Variants in SPARCL1 observed in about 807,000 individuals in gnomAD.
SPARCL1 encodes SPARC-like protein 1.
Under a neutral mutation model 67.1 loss-of-function variants are expected in SPARCL1, and 52 were observed. The observed-to-expected ratio is 0.78, with a 90% confidence interval of 0.62 to 0.98. SPARCL1 has a LOEUF of 0.98. Among genes scored for constraint, SPARCL1 ranks in the 50% least tolerant of loss-of-function variants. The pLI is 0.00. For synonymous variants in SPARCL1, 226 were observed against 267.8 expected, an observed-to-expected ratio of 0.84 and a Z score of 1.52; for missense variants, 717 against 782.4, an observed-to-expected ratio of 0.92 and a Z score of 1.00.
chr4:87,496,392 T>G (rs1724620357), intron 2 of SPARCL1, among the ~76,000 whole-genome samples: 2 of 152,044 alleles, frequency 1.3e-5, no homozygotes. Flanking sequence ...GTAATTTTTG[T>G]ATTTTTTGTA....
rs138846139 is a variant in SPARCL1 at position 87,494,050 on chromosome 4, T to C, written c.750A>G (p.Pro250=). The change falls in exon 4 of 11, where the codon CCA becomes CCG. Residue 250 remains proline, a synonymous_variant. Coordinates refer to ENST00000282470, the MANE Select transcript of SPARCL1 (RefSeq NM_004684.6). ...SDDILEESDQ[P]TQVSKMQEDE... ...CCTCCTGCATCTTGCTTACTTGAGT[T>C]GGTTGATCAGACTCTTCCAAAATAT... is the stretch of plus-strand genomic sequence containing the variant. 4.2e-5 allele frequency: 68 copies of C among 1,614,172 alleles called. No homozygotes were observed. In the African/African-American group the frequency reaches 7.7e-4, roughly 18 times the overall value.
intron 1 of SPARCL1, among the ~76,000 whole-genome samples, chr4:87,501,263 G>T (rs1284441954): frequency 3.3e-5 from 5 of 152,118 alleles, no homozygotes; most frequent in Admixed American, 2.6e-4. Flanking sequence ...CATACCTGGG[G>T]TCACCACGCC....
chr4:87,493,777 G>A lies in SPARCL1; in HGVS notation c.1023C>T (p.Gly341=), dbSNP rs756426069. Residue 341 remains glycine, a synonymous_variant, in exon 4 of 11, where the codon GGC becomes GGT. Transcript: ENST00000282470. Reference sequence around the variant, plus strand: ...TGCCGCCATCATCGCCATCATCATCGCCATCATCATCAACTCCATGATTTC... The same window carrying A: ...TGCCGCCATCATCGCCATCATCATCACCATCATCATCAACTCCATGATTTC... The part of the protein sequence containing the change: ...TPRNHGVDDD[G]DDDGDDGGTD... The A allele has an allele frequency of 5.3e-5, 86 of 1,613,826 alleles. No individual in the cohort carries two copies. Among genetic ancestry groups the A allele is most frequent in the Admixed American group, 8.3e-5 (5 of 59,982 alleles).
At chr4:87,500,834 T>C (rs765227100) in intron 1 of SPARCL1, among the ~76,000 whole-genome samples, 6 of 152,190 alleles carry the variant, frequency 3.9e-5, no homozygotes, top group Non-Finnish European at 5.9e-5. Flanking sequence ...TCCTCCTTTC[T>C]CTTCCTAAAA....
At chr4:87,493,302 C>T (rs1230545695) in intron 4 of SPARCL1, among the ~76,000 whole-genome samples, 7 of 152,172 alleles carry the variant, frequency 4.6e-5, no homozygotes, top group Non-Finnish European at 1.5e-5. Flanking sequence ...CTTTTATTAG[C>T]TTCCTTTCCT....
intron 1 of SPARCL1, among the ~76,000 whole-genome samples, chr4:87,522,101 C>T (rs535835901): frequency 1.3e-5 from 2 of 152,224 alleles, no homozygotes; most frequent in African/African-American, 2.4e-5. Context: ...TGCTTTAGAG[C>T]TTTTAAAGTA....
chr4:87,504,138 TGTG>T (rs1724973662), intron 1 of SPARCL1, among the ~76,000 whole-genome samples: 2 of 63,806 alleles, frequency 3.1e-5, no homozygotes, highest in Admixed American at 1.4e-4. Context: ...TTTGGTATTG[TGTG>T]TGTGTGTGTG....
intron 4 of SPARCL1, 84 bp downstream of exon 4, chr4:87,493,498 C>T: frequency 8.1e-7 from 1 of 1,237,684 alleles, no homozygotes; most frequent in Admixed American, 2.3e-5. Flanking sequence ...CCATACAGGA[C>T]ACTGTGAGAG....
chr4:87,528,513 T>C, intron 1 of SPARCL1: 1 of 152,122 alleles, frequency 6.6e-6, no homozygotes, highest in South Asian at 2.1e-4. Context: ...AACTTAAAAA[T>C]AATCAAACAA....
intron 1 of SPARCL1, among the ~76,000 whole-genome samples, chr4:87,501,593 T>TC (rs1724851406): frequency 6.6e-6 from 1 of 152,118 alleles, no homozygotes; most frequent in Admixed American, 6.5e-5. Flanking sequence ...TGTGAGTTTT[T>TC]CCCCAATGTT....
Position 87,493,867 on chromosome 4 carries a change from T to C in SPARCL1, c.933A>G (p.Thr311=). 6.2e-7 allele frequency: 1 copy of C among 1,614,230 alleles called. No homozygotes were observed. Among genetic ancestry groups the C allele is most frequent in the Non-Finnish European group, 8.5e-7 (1 of 1,180,036 alleles). The change falls in exon 4 of 11, where the codon ACA becomes ACG. Residue 311 remains threonine (T), a synonymous_variant. Transcript: ENST00000282470. ...GAGCCTCAGAAACAGTCTTTTCTTC[T>C]GTCTCTTTGTGGTTGCTGATAGCTT... ...GLEAISNHKE[T]EEKTVSEALL... is the part of the protein sequence containing the mutation.
At position 87,481,721 on chromosome 4, in the gene SPARCL1, T is replaced by C. The variant is rs183631564; in HGVS notation, c.1668+703A>G. Among the ~76,000 whole-genome samples, 3 of 152,364 alleles carry C rather than the reference T, an allele frequency of 2.0e-5. No homozygotes were observed. The East Asian group carries it at 5.8e-4, about 29-fold the overall frequency. ...ATACTTATACATATATTTGCTGATTTGGTTATATTTACATAAATGCTCATT... is the reference window on the plus strand; with the variant it reads ...ATACTTATACATATATTTGCTGATTCGGTTATATTTACATAAATGCTCATT... On this transcript the variant is annotated intron_variant, in intron 8 of 10. Coordinates refer to ENST00000282470, the MANE Select transcript of SPARCL1 (RefSeq NM_004684.6).
In SPARCL1 at chr4:87,518,460, A is replaced by C. The variant is rs115652297; in HGVS notation, c.-12+10585T>G. 7.8e-3 allele frequency among the ~76,000 whole-genome samples: 1,193 copies of C among 152,318 alleles called. 16 individuals carry two copies. Among genetic ancestry groups the C allele is most frequent in the African/African-American group, 0.027 (1,107 of 41,562 alleles). On this transcript the variant is annotated intron_variant, in intron 1 of 10. Coordinates refer to ENST00000282470, the MANE Select transcript of SPARCL1 (RefSeq NM_004684.6). ...CAATCCAGAGTGTTTTTCAAAGTAT[A>C]ATAAAACATTTGCTTTTGAAATCAA...
intron 7 of SPARCL1, among the ~76,000 whole-genome samples, chr4:87,488,146 G>C (rs1181219100): frequency 6.6e-6 from 1 of 152,180 alleles, no homozygotes; most frequent in East Asian, 1.9e-4. Context: ...TGCTGGCAAG[G>C]AGTTGTGATC....
intron 1 of SPARCL1, among the ~76,000 whole-genome samples, chr4:87,510,960 G>A (rs1029285700): frequency 2.0e-5 from 3 of 152,226 alleles, no homozygotes; most frequent in Non-Finnish European, 2.9e-5. Flanking sequence ...GTGCCAAAGT[G>A]GCCAGTTCCT....
chr4:87,486,316 G>C (rs771883831), intron 7 of SPARCL1, among the ~76,000 whole-genome samples: 11 of 151,952 alleles, frequency 7.2e-5, no homozygotes, highest in Non-Finnish European at 1.3e-4. Context: ...CCTTAATTTC[G>C]TTATTTACCC....
At chr4:87,498,819 CCA>C (rs919191828) in intron 2 of SPARCL1, among the ~76,000 whole-genome samples, 6 of 152,106 alleles carry the variant, frequency 3.9e-5, no homozygotes, top group African/African-American at 1.4e-4. Context: ...AATTTCTCAG[CCA>C]GCATCTATTT....
At chr4:87,518,325 A>G (rs1250449304) in intron 1 of SPARCL1, among the ~76,000 whole-genome samples, 1 of 152,164 alleles carries the variant, frequency 6.6e-6, no homozygotes, top group Non-Finnish European at 1.5e-5. Flanking sequence ...GCCAGGCTTA[A>G]TGGCTCGTGC....
intron 10 of SPARCL1, among the ~76,000 whole-genome samples, chr4:87,475,289 C>A (rs1292631013): frequency 1.3e-5 from 2 of 151,882 alleles, no homozygotes; most frequent in African/African-American, 4.8e-5. Context: ...TTATTTCTTT[C>A]AACTTCTTTG....
Sources: gnomAD v4.1 joint callset for allele counts (sites outside exome capture counted in the v4.1 genomes callset) on GRCh38, gnomAD v4.1.1 for gene constraint, MANE v1.5 for transcripts, NCBI Gene and HGNC (gene_info 2026-07-23, HGNC 2026-07-21) for gene names.